HELZ: variants seen among roughly 807,000 people sequenced by gnomAD.
HELZ encodes helicase with zinc finger, also known as ATP-dependent RNA helicase with zinc finger domain.
In HELZ, 23 loss-of-function variants were observed where a neutral mutation model predicts 218.2. That is an observed-to-expected ratio of 0.11 (90% CI 0.08 to 0.15). The LOEUF is 0.15. Among genes scored for constraint, HELZ ranks in the 10% least tolerant of loss-of-function variants. The pLI is 1.00. For missense variants in HELZ, 1,813 were observed against 2,353.7 expected (o/e 0.77, Z 4.75); for synonymous variants, 814 against 829.4 (o/e 0.98, Z 0.32).
chr17:67,119,896 A>C, intron 27 of HELZ: 2 of 394,712 alleles, frequency 5.1e-6, no homozygotes, highest in South Asian at 3.7e-5. Flanking sequence ...AACCTAAAGG[A>C]CCCTCTGAGG....
At chr17:67,187,630 A>G (rs1448681890) in intron 12 of HELZ, among the ~76,000 whole-genome samples, 1 of 152,242 alleles carries the variant, frequency 6.6e-6, no homozygotes, top group Non-Finnish European at 1.5e-5. Context: ...AATAGAATAG[A>G]ACACCTATAA....
rs868136566 is a variant in HELZ, at chr17:67,188,397, G to A, written c.1084C>T (p.Arg362Cys). The change falls in exon 12 of 33, where the codon CGC (arginine) becomes TGC (cysteine). Residue 362 changes from arginine to cysteine, a missense_variant. This residue lies in a region of HELZ where 714 missense variants were observed against 1,029.2 expected (regional missense o/e 0.69). Transcript: ENST00000358691. This position sits in a 1 kb window ranked among gnomAD's most constrained non-coding sequence, Gnocchi z 4.1. ...AFNTEIFGTF[R>C]QTIVFDFGLE... ...CCAAAGTCGAAAACTATGGTTTGGC[G>A]AAAAGTTCCAAATATTTCTGTGTTA... is the stretch of plus-strand genomic sequence containing the variant. The A allele has an allele frequency of 5.0e-6, 8 of 1,613,750 alleles. No homozygotes were observed. Among genetic ancestry groups the A allele is most frequent in the Non-Finnish European group, 5.9e-6 (7 of 1,179,862 alleles).
intron 23 of HELZ, among the ~76,000 whole-genome samples, chr17:67,132,291 A>AT (rs1264094219): frequency 6.6e-6 from 1 of 152,086 alleles, no homozygotes; most frequent in Non-Finnish European, 1.5e-5. Flanking sequence ...AAATATGTTT[A>AT]TATTTTACAG....
At chr17:67,091,728 T>C (rs1250177833) in intron 31 of HELZ, among the ~76,000 whole-genome samples, 3 of 152,210 alleles carry the variant, frequency 2.0e-5, no homozygotes, top group Non-Finnish European at 4.4e-5. Flanking sequence ...ATATCATAGG[T>C]ATCTTTCCAT....
chr17:67,137,826 G>T, intron 22 of HELZ, 105 bp downstream of exon 22: 2 of 817,644 alleles, frequency 2.4e-6, no homozygotes, highest in Non-Finnish European at 3.6e-6. Flanking sequence ...GATATGAAAT[G>T]AACACATAAC....
Position 67,245,129 on chromosome 17 carries a change from G to A in HELZ, c.-132+19C>T, listed in dbSNP as rs759781899. On this transcript the variant is annotated intron_variant, in intron 1 of 32. Coordinates refer to ENST00000358691, the MANE Select transcript of HELZ (RefSeq NM_014877.4). ...GCGGAGCGGCCCCAGGAGCAGAGAA[G>A]GGGGAAGTCAGGACTTACCTGTCAT... 7.7e-5 allele frequency: 76 copies of A among 984,976 alleles called. No homozygotes were observed. The highest frequency in any genetic ancestry group is 8.8e-5 in the Non-Finnish European group (73 of 829,830). 61.0% of individuals were successfully genotyped at this position (984,976 alleles called of 1,614,324 possible).
intron 7 of HELZ, among the ~76,000 whole-genome samples, chr17:67,200,222 AATACTTTTAT>A (rs908505187): frequency 1.3e-5 from 2 of 152,204 alleles, no homozygotes; most frequent in African/African-American, 4.8e-5. Context: ...TAAAAATAAA[AATACTTTTAT>A]ATGCCTATAT....
At chr17:67,150,279 G>A (rs931925107) in intron 18 of HELZ, 3 of 215,394 alleles carry the variant, frequency 1.4e-5, no homozygotes, top group Non-Finnish European at 2.7e-5. Flanking sequence ...ACGGGCATAT[G>A]CCATAAGGCC....
chr17:67,169,966 A>G (rs1033399944), intron 13 of HELZ, among the ~76,000 whole-genome samples: 2 of 152,212 alleles, frequency 1.3e-5, no homozygotes, highest in African/African-American at 4.8e-5. Context: ...AGGGAAAACA[A>G]CATTAAGTCT....
intron 23 of HELZ, among the ~76,000 whole-genome samples, chr17:67,129,249 T>C (rs1344565369): frequency 1.3e-5 from 2 of 151,972 alleles, no homozygotes; most frequent in Non-Finnish European, 2.9e-5. Flanking sequence ...TACATATATA[T>C]ACTATGTATA....
At chr17:67,170,027 C>T (rs988810383) in intron 13 of HELZ, among the ~76,000 whole-genome samples, 12 of 152,360 alleles carry the variant, frequency 7.9e-5, no homozygotes, top group African/African-American at 2.9e-4. Flanking sequence ...TCCTGACACA[C>T]TGGAACAGCA....
In HELZ at chr17:67,188,331, C is replaced by T. The variant is rs1164034348; in HGVS notation, c.1150G>A (p.Ala384Thr). ...GTCTAAATATTACCTTCTGTAGAAGCTGCATCAATCATTACTCTTTGCATG... is the reference window on the plus strand; with the variant it reads ...GTCTAAATATTACCTTCTGTAGAAGTTGCATCAATCATTACTCTTTGCATG... ...VLMQRVMIDAASTEDLEYLMH... is the reference protein window; with the variant it reads ...VLMQRVMIDATSTEDLEYLMH... The change falls in exon 12 of 33, where the codon GCT becomes ACT. Residue 384 changes from alanine (A) to threonine (T), a missense_variant. By Grantham distance (58) the Ala-to-Thr change is moderately conservative. This residue lies in a region of HELZ where 714 missense variants were observed against 1,029.2 expected (regional missense o/e 0.69). Transcript: ENST00000358691. This position sits in a 1 kb window ranked among gnomAD's most constrained non-coding sequence, Gnocchi z 4.1. 1 of 1,608,378 alleles carries T rather than the reference C, an allele frequency of 6.2e-7. No individual in the cohort carries two copies. Among genetic ancestry groups the T allele is most frequent in the East Asian group, 2.2e-5 (1 of 44,786 alleles).
intron 14 of HELZ, 111 bp from the exon 15 acceptor site, chr17:67,166,719 CT>C (rs1241063278): frequency 1.2e-6 from 1 of 835,286 alleles, no homozygotes; most frequent in Admixed American, 2.4e-5. Context: ...TTTAGAGATT[CT>C]TTTAAAGTAT....
chr17:67,245,263 C>T, upstream of HELZ: 1 of 962,580 alleles, frequency 1.0e-6, no homozygotes, highest in Non-Finnish European at 1.2e-6. Context: ...CGCCTCCCGC[C>T]GCCGGCGCCG....
intron 3 of HELZ, among the ~76,000 whole-genome samples, chr17:67,223,911 C>T (rs1022570797): frequency 2.0e-5 from 3 of 152,204 alleles, no homozygotes; most frequent in African/African-American, 7.2e-5. Context: ...CCACTAACTC[C>T]TCTGATCTGT....
At chr17:67,081,843 G>C (rs570669804) in intron 32 of HELZ, among the ~76,000 whole-genome samples, 44 of 152,266 alleles carry the variant, frequency 2.9e-4, no homozygotes, top group African/African-American at 8.2e-4. Flanking sequence ...GAGGGAAAGT[G>C]AGACCTTTAG....
chr17:67,184,409 CATTT>C (rs2039695095), intron 12 of HELZ, among the ~76,000 whole-genome samples: 1 of 152,142 alleles, frequency 6.6e-6, no homozygotes, highest in Non-Finnish European at 1.5e-5. Flanking sequence ...TTCCAGCATT[CATTT>C]AAGGACAAAA....
At chr17:67,135,153 A>T (rs1396824500) in intron 23 of HELZ, among the ~76,000 whole-genome samples, 5 of 152,152 alleles carry the variant, frequency 3.3e-5, no homozygotes, top group African/African-American at 1.2e-4. Flanking sequence ...GTTCCTTAAA[A>T]CTAAAGTCTA....
Position 67,167,706 on chromosome 17 carries a change from A to C in HELZ, c.1521T>G (p.Leu507=), listed in dbSNP as rs1356767452. 1 of 1,614,136 alleles carries C rather than the reference A, an allele frequency of 6.2e-7. No homozygotes were observed. The change falls in exon 14 of 33, where the codon CTT becomes CTG. Residue 507 remains leucine (L), a synonymous_variant. Transcript: ENST00000358691. ...TTTCAGTAAGCTTAAAGCGACCAAA[A>C]AGTTGTCCATTCTGAGCATACTTTG... ...GGAKYAQNGQ[L]FGRFKLTETL...
Sources: gnomAD v4.1 joint callset for allele counts (sites outside exome capture counted in the v4.1 genomes callset) on GRCh38, gnomAD v4.1.1 for gene constraint, gnomAD v4.1.1 regional missense constraint, Gnocchi (gnomAD v3.1) non-coding constraint, MANE v1.5 for transcripts, NCBI Gene and HGNC (gene_info 2026-07-23, HGNC 2026-07-21) for gene names.